Variants in BCL11B observed in about 807,000 individuals in gnomAD.
BCL11B encodes the protein B-cell lymphoma/leukemia 11B.
Under a neutral mutation model 49.9 loss-of-function variants are expected in BCL11B, and 8 were observed. The observed-to-expected ratio is 0.16, with a 90% CI of 0.09 to 0.29. The LOEUF is 0.29. Ranked by LOEUF, BCL11B falls within the 10% of genes least tolerant of loss-of-function variation. The pLI is 1.00. For missense variants in BCL11B, 1,006 were observed against 1,351.0 expected (o/e 0.74, Z 4.00); for synonymous variants, 739 against 637.4 (o/e 1.16, Z -2.40).
chr14:99,186,336 C>G (rs1886851811), intron 3 of BCL11B, among the ~76,000 whole-genome samples: 1 of 152,254 alleles, frequency 6.6e-6, no homozygotes, highest in Non-Finnish European at 1.5e-5. Context: ...GCCTGGCCAA[C>G]ATGGTGAAAC....
At chr14:99,236,764 G>A (rs766406837) in intron 2 of BCL11B, among the ~76,000 whole-genome samples, 8 of 152,296 alleles carry the variant, frequency 5.3e-5, no homozygotes, top group Middle Eastern at 3.4e-3. Flanking sequence ...CTTCAGGGCC[G>A]TGAGGAAAAG....
At chr14:99,269,515 T>TC (rs61216322) in intron 1 of BCL11B, among the ~76,000 whole-genome samples, 40,869 of 120,258 alleles carry the variant, frequency 0.34, 6,015 homozygotes, top group African/African-American at 0.39. Context: ...TAATTTCTAT[T>TC]CCCCCCCCCC....
At position 99,184,784 on chromosome 14, in the gene BCL11B, A is replaced by G. The variant is rs1456490280; in HGVS notation, c.641-8589T>C. The stretch of plus-strand genomic sequence containing the variant: ...CGAGGGCAGGAAATGGCCCAGAAGA[A>G]AGAGGCTGCACACAGCGAGAAAACC... On this transcript the variant is annotated intron_variant, in intron 3 of 3. Coordinates refer to ENST00000357195, the MANE Select transcript of BCL11B (RefSeq NM_138576.4). The surrounding 1 kb of genome is among the most constrained non-coding windows in gnomAD (Gnocchi z 6.1). Among the ~76,000 whole-genome samples the G allele has an allele frequency of 6.6e-6, 1 of 152,204 alleles. No homozygotes were observed. Among genetic ancestry groups the G allele is most frequent in the Admixed American group, 6.5e-5 (1 of 15,288 alleles).
chr14:99,195,060 G>A lies in BCL11B; in HGVS notation c.641-18865C>T, dbSNP rs1364168348. Among the ~76,000 whole-genome samples, 1 of 152,202 alleles carries A rather than the reference G, an allele frequency of 6.6e-6. No individual in the cohort carries two copies. Among genetic ancestry groups the A allele is most frequent in the African/African-American group, 2.4e-5 (1 of 41,452 alleles). On this transcript the variant is annotated intron_variant, in intron 3 of 3. Transcript: ENST00000357195. This position sits in a 1 kb window ranked among gnomAD's most constrained non-coding sequence, Gnocchi z 4.7. ...GAAAACGAAGGCTGCCCAGCATGCA[G>A]AAAGGGCTTCCTGAGGTCGCACAGC...
chr14:99,269,475 G>A (rs1261456326), intron 1 of BCL11B, among the ~76,000 whole-genome samples: 1 of 151,230 alleles, frequency 6.6e-6, no homozygotes, highest in Non-Finnish European at 1.5e-5. Context: ...CCTCCAAAGA[G>A]GCATCCCTCT....
chr14:99,188,756 G>A (rs1886935367), intron 3 of BCL11B, among the ~76,000 whole-genome samples: 1 of 152,236 alleles, frequency 6.6e-6, no homozygotes, highest in Non-Finnish European at 1.5e-5. Flanking sequence ...AGGGCCAGGG[G>A]CTGGTGGGGA....
chr14:99,202,609 G>A (rs1887418081), intron 3 of BCL11B, among the ~76,000 whole-genome samples: 1 of 152,220 alleles, frequency 6.6e-6, no homozygotes, highest in South Asian at 2.1e-4. Flanking sequence ...GGGGATGGGA[G>A]GGAGAGAGAG....
rs1378259523 is a variant in BCL11B, at chr14:99,262,552, C to T, written c.59-4713G>A. ...AAATCGTGTGCCACCAACGTCACAA[C>T]CGCCATCATGATGTGTACGCATGTT... On this transcript the variant is annotated intron_variant, in intron 1 of 3. Coordinates refer to ENST00000357195, the MANE Select transcript of BCL11B (RefSeq NM_138576.4). This position sits in a 1 kb window ranked among gnomAD's most constrained non-coding sequence, Gnocchi z 4.2. Among the ~76,000 whole-genome samples the T allele has an allele frequency of 6.6e-6, 1 of 152,196 alleles. No individual in the cohort carries two copies. The highest frequency in any genetic ancestry group is 1.5e-5 in the Non-Finnish European group (1 of 68,042).
In BCL11B at chr14:99,260,911, T is replaced by A. The variant is rs552719298; in HGVS notation, c.59-3072A>T. 4.2e-4 allele frequency among the ~76,000 whole-genome samples: 64 copies of A among 151,914 alleles called. 1 individual carries two copies. The highest frequency in any genetic ancestry group is 3.4e-3 in the Middle Eastern group (1 of 294). ...CAGGGCTCAGTTCTGAGCTGGGATCTCCACGTCCCAGACCAGAGATCCAAC... is the reference window on the plus strand; with the variant it reads ...CAGGGCTCAGTTCTGAGCTGGGATCACCACGTCCCAGACCAGAGATCCAAC... On this transcript the variant is annotated intron_variant, in intron 1 of 3. Transcript: ENST00000357195.
chr14:99,215,734 A>G (rs1337281789), intron 3 of BCL11B, among the ~76,000 whole-genome samples: 1 of 152,198 alleles, frequency 6.6e-6, no homozygotes, highest in Non-Finnish European at 1.5e-5. Flanking sequence ...TCCCTTCTTA[A>G]AGACATGTAT....
At chr14:99,250,572 C>A (rs1348297797) in intron 2 of BCL11B, among the ~76,000 whole-genome samples, 1 of 152,146 alleles carries the variant, frequency 6.6e-6, no homozygotes, top group Non-Finnish European at 1.5e-5. Flanking sequence ...CTAACAGATT[C>A]TAGACCTGGT....
In BCL11B at chr14:99,175,306, G is replaced by A. The variant is rs989923439; in HGVS notation, c.1530C>T (p.Leu510=). The A allele has an allele frequency of 6.5e-7, 1 of 1,541,650 alleles. No homozygotes were observed. Among genetic ancestry groups the A allele is most frequent in the Admixed American group, 1.9e-5 (1 of 51,664 alleles). ...PGTSELAGEG[L]KAADGDFRHH... is the part of the protein sequence containing the mutation. The stretch of plus-strand genomic sequence containing the variant: ...GGCGGAAGTCACCGTCGGCCGCCTT[G>A]AGGCCCTCGCCCGCCAGCTCGCTGG... The change falls in exon 4 of 4, where the codon CTC becomes CTT. Residue 510 remains leucine, a synonymous_variant. Transcript: ENST00000357195.
rs138291130 is a variant in BCL11B at position 99,269,651 on chromosome 14, A to C, written c.58+1510T>G. On this transcript the variant is annotated intron_variant, in intron 1 of 3. Transcript: ENST00000357195. ...TGGGTTTTCAGGGGAGGGGAGAACC[A>C]CTTTATATATTTATTTATTTATTTA... is the stretch of plus-strand genomic sequence containing the variant. 1.4e-3 allele frequency among the ~76,000 whole-genome samples: 210 copies of C among 151,266 alleles called. 2 individuals carry two copies. In the East Asian group the frequency reaches 0.02, roughly 14 times the overall value.
At chr14:99,239,249 A>T (rs757131615) in intron 2 of BCL11B, among the ~76,000 whole-genome samples, 12 of 152,238 alleles carry the variant, frequency 7.9e-5, no homozygotes, top group Non-Finnish European at 1.5e-4. Flanking sequence ...AAGACAATTT[A>T]ATTCAAGATC....
rs1887150755 is a variant in BCL11B at position 99,195,389 on chromosome 14, G to A, written c.641-19194C>T. On this transcript the variant is annotated intron_variant, in intron 3 of 3. Transcript: ENST00000357195. This position sits in a 1 kb window ranked among gnomAD's most constrained non-coding sequence, Gnocchi z 4.7. Reference sequence around the variant, plus strand: ...CCCCCAGCACCTCCATTTTGCAGATGAGACCAGAATGCTGCAGGCGAATGG... The same window carrying A: ...CCCCCAGCACCTCCATTTTGCAGATAAGACCAGAATGCTGCAGGCGAATGG... Among the ~76,000 whole-genome samples the A allele has an allele frequency of 6.6e-6, 1 of 152,082 alleles. No individual in the cohort carries two copies. The highest frequency in any genetic ancestry group is 1.5e-5 in the Non-Finnish European group (1 of 68,014).
Position 99,173,948 on chromosome 14 carries a change from G to T in BCL11B, c.*203C>A, listed in dbSNP as rs549574543. ...ACAGAAATTATTGCACAGTTAAAAG[G>T]CTCCACAATTTGTACTGCCTTAATC... On this transcript the variant is annotated 3_prime_UTR_variant, in exon 4 of 4. Coordinates refer to ENST00000357195, the MANE Select transcript of BCL11B (RefSeq NM_138576.4). The T allele has an allele frequency of 6.7e-6, 4 of 594,340 alleles. No individual in the cohort carries two copies. Among genetic ancestry groups the T allele is most frequent in the South Asian group, 2.0e-5 (1 of 49,494 alleles). 36.8% of individuals were successfully genotyped at this position (594,340 alleles called of 1,614,324 possible). A position where few individuals can be genotyped will look rare whatever the true frequency, so the allele number is the denominator to read the frequency against.
chr14:99,264,465 G>A (rs1889424720), intron 1 of BCL11B: 1 of 151,394 alleles, frequency 6.6e-6, no homozygotes, highest in Admixed American at 6.6e-5. Flanking sequence ...AGTGGAAGGG[G>A]GCCATAAAAA....
At position 99,241,476 on chromosome 14, in the gene BCL11B, G is replaced by GA. The variant is rs112147952; in HGVS notation, c.428-9920dup. ...ACAGACACAAAACCCAAAAGAAAAA[G>GA]AAAAAAAAAAATCTTCGCACCACAT... On this transcript the variant is annotated intron_variant, in intron 2 of 3. Coordinates refer to ENST00000357195, the MANE Select transcript of BCL11B (RefSeq NM_138576.4). The surrounding 1 kb of genome is among the most constrained non-coding windows in gnomAD (Gnocchi z 4.4). Among the ~76,000 whole-genome samples the GA allele has an allele frequency of 3.2e-3, 466 of 144,470 alleles. 3 individuals are homozygous for GA. The highest frequency in any genetic ancestry group is 8.1e-3 in the South Asian group (37 of 4,562). The allele number at this position is 144,470 out of a possible 152,430, so 94.8% of individuals were successfully genotyped here. A position where few individuals can be genotyped will look rare whatever the true frequency, so the allele number is the denominator to read the frequency against.
intron 3 of BCL11B, among the ~76,000 whole-genome samples, chr14:99,182,692 A>C (rs1886742228): frequency 6.6e-6 from 1 of 152,186 alleles, no homozygotes; most frequent in African/African-American, 2.4e-5. Context: ...CTCTGGTGGT[A>C]ATGTGCTGAG....
Sources: gnomAD v4.1 joint callset for allele counts (sites outside exome capture counted in the v4.1 genomes callset) on GRCh38, gnomAD v4.1.1 for gene constraint, Gnocchi (gnomAD v3.1) non-coding constraint, MANE v1.5 for transcripts, NCBI Gene and HGNC (gene_info 2026-07-23, HGNC 2026-07-21) for gene names.